FAF1: variants seen among roughly 807,000 people sequenced by gnomAD.
FAF1 encodes the protein FAS-associated factor 1.
Under a neutral mutation model 92.5 loss-of-function variants are expected in FAF1, and 25 were observed. The observed-to-expected ratio is 0.27, with a 90% confidence interval of 0.20 to 0.38. The LOEUF is 0.38. Ranked by LOEUF, FAF1 falls within the 10% of genes least tolerant of loss-of-function variation. The probability of loss-of-function intolerance (pLI) is 1.00; values close to 1 mark genes in which losing one functional copy is unlikely to be tolerated. For synonymous variants in FAF1, 234 were observed against 273.2 expected (o/e 0.86, Z 1.42); for missense variants, 636 against 793.3 (o/e 0.80, Z 2.38).
chr1:50,631,718 A>G (rs568958880), intron 8 of FAF1, among the ~76,000 whole-genome samples: 2 of 152,226 alleles, frequency 1.3e-5, no homozygotes, highest in African/African-American at 4.8e-5. Flanking sequence ...GCTGCACCCC[A>G]AAGTGCAAAA....
chr1:50,694,199 G>C (rs1312192326), intron 7 of FAF1, among the ~76,000 whole-genome samples: 1 of 152,004 alleles, frequency 6.6e-6, no homozygotes, highest in Non-Finnish European at 1.5e-5. Flanking sequence ...GCAATGAACT[G>C]ATATTTAAAT....
intron 4 of FAF1, among the ~76,000 whole-genome samples, chr1:50,766,644 C>T (rs1202400647): frequency 2.0e-5 from 3 of 152,048 alleles, no homozygotes; most frequent in Non-Finnish European, 2.9e-5. Context: ...GGATCCAGCA[C>T]AGGGCTACCG....
chr1:50,477,412 C>T lies in FAF1; in HGVS notation c.1654-1733G>A, dbSNP rs571819907. ...AAGGGGCTGCATTTGTCAAACAGCC[C>T]AATACTCTCATTTTTTATATGGGGA... On this transcript the variant is annotated intron_variant, in intron 17 of 18. Transcript: ENST00000396153. 3.3e-5 allele frequency among the ~76,000 whole-genome samples: 5 copies of T among 152,078 alleles called. No homozygotes were observed. In the East Asian group the frequency reaches 9.6e-4, roughly 29 times the overall value.
intron 1 of FAF1, among the ~76,000 whole-genome samples, chr1:50,954,868 G>A (rs976027208): frequency 2.6e-5 from 4 of 152,108 alleles, no homozygotes; most frequent in Admixed American, 2.0e-4. Context: ...AATTAGCCAG[G>A]CTTGGTGGCA....
chr1:50,798,031 T>G (rs1395915079), intron 3 of FAF1, among the ~76,000 whole-genome samples: 2 of 151,892 alleles, frequency 1.3e-5, no homozygotes, highest in African/African-American at 2.4e-5. Context: ...ATTTCAATTC[T>G]TTAAAGTCCA....
At chr1:50,530,195 C>T (rs1648065466) in intron 15 of FAF1, among the ~76,000 whole-genome samples, 2 of 151,068 alleles carry the variant, frequency 1.3e-5, no homozygotes, top group Admixed American at 6.6e-5. Flanking sequence ...ATTCTCTTAA[C>T]AGAACTACTG....
intron 18 of FAF1, among the ~76,000 whole-genome samples, chr1:50,450,639 G>A (rs534973569): frequency 8.5e-5 from 13 of 152,176 alleles, no homozygotes; most frequent in East Asian, 5.8e-4. Context: ...ACAACTAATC[G>A]TCTATTTTCT....
At chr1:50,876,699 C>T (rs1358801134) in intron 1 of FAF1, among the ~76,000 whole-genome samples, 1 of 152,162 alleles carries the variant, frequency 6.6e-6, no homozygotes, top group Non-Finnish European at 1.5e-5. Flanking sequence ...GATTCTCCTA[C>T]CTCGGCCTCC....
chr1:50,781,984 T>C (rs1422745269), intron 4 of FAF1, among the ~76,000 whole-genome samples: 1 of 152,168 alleles, frequency 6.6e-6, no homozygotes, highest in Non-Finnish European at 1.5e-5. Flanking sequence ...ACTGTAACAT[T>C]GTAGCACAAT....
chr1:50,888,196 T>A (rs1040222844), intron 1 of FAF1, among the ~76,000 whole-genome samples: 4 of 152,258 alleles, frequency 2.6e-5, no homozygotes, highest in Admixed American at 2.6e-4. Context: ...TTGGTGTATA[T>A]GAATGCTTGT....
At chr1:50,497,007 T>C (rs1026810495) in intron 15 of FAF1, among the ~76,000 whole-genome samples, 8 of 152,056 alleles carry the variant, frequency 5.3e-5, no homozygotes, top group Admixed American at 4.6e-4. Flanking sequence ...GAAATAATCA[T>C]TGAAATTTTT....
chr1:50,741,446 G>T (rs1160967732), intron 5 of FAF1, among the ~76,000 whole-genome samples: 1 of 152,176 alleles, frequency 6.6e-6, no homozygotes, highest in Non-Finnish European at 1.5e-5. Flanking sequence ...AATTTTATTT[G>T]AAATGTAATA....
At chr1:50,909,906 G>C (rs1482678455) in intron 1 of FAF1, among the ~76,000 whole-genome samples, 1 of 152,198 alleles carries the variant, frequency 6.6e-6, no homozygotes, top group Non-Finnish European at 1.5e-5. Context: ...TCTCCATCCA[G>C]CTTTGTTCCG....
At chr1:50,601,450 G>A (rs926656798) in intron 8 of FAF1, among the ~76,000 whole-genome samples, 11 of 152,170 alleles carry the variant, frequency 7.2e-5, no homozygotes, top group African/African-American at 1.4e-4. Flanking sequence ...GGGAGGCCAA[G>A]GAGGGCAGAT....
chr1:50,649,160 ATT>A (rs975288722), intron 8 of FAF1, among the ~76,000 whole-genome samples: 1 of 141,278 alleles, frequency 7.1e-6, no homozygotes, highest in African/African-American at 2.6e-5. Context: ...ATTCATTTTA[ATT>A]TTTTTTTTTT....
At chr1:50,656,722 A>C (rs1655129335) in intron 7 of FAF1, among the ~76,000 whole-genome samples, 2 of 152,142 alleles carry the variant, frequency 1.3e-5, no homozygotes, top group South Asian at 4.2e-4. Context: ...GTCTCTATGA[A>C]AAATACAAAA....
At chr1:50,739,281 T>C (rs139958909) in intron 5 of FAF1, among the ~76,000 whole-genome samples, 2 of 152,154 alleles carry the variant, frequency 1.3e-5, no homozygotes, top group Non-Finnish European at 2.9e-5. Flanking sequence ...TGTGCATACA[T>C]ATACATATGT....
chr1:50,604,247 C>T (rs553690173), intron 8 of FAF1, among the ~76,000 whole-genome samples: 1 of 152,156 alleles, frequency 6.6e-6, no homozygotes, highest in Non-Finnish European at 1.5e-5. Flanking sequence ...ATCTCCCTTG[C>T]CCCATTCCAA....
intron 18 of FAF1, among the ~76,000 whole-genome samples, chr1:50,464,698 C>T (rs1646473054): frequency 6.6e-6 from 1 of 152,150 alleles, no homozygotes; most frequent in South Asian, 2.1e-4. Flanking sequence ...ATGGCATGGC[C>T]CTCTGCCAGT....
Sources: gnomAD v4.1 joint callset for allele counts (sites outside exome capture counted in the v4.1 genomes callset) on GRCh38, gnomAD v4.1.1 for gene constraint, MANE v1.5 for transcripts, NCBI Gene and HGNC (gene_info 2026-07-23, HGNC 2026-07-21) for gene names.